Variants in CSMD1 observed in about 807,000 individuals in gnomAD.
CSMD1 encodes CUB and sushi domain-containing protein 1.
A neutral mutation model predicts 417.5 loss-of-function variants in CSMD1; 213 were observed. That is an observed-to-expected ratio of 0.51 (90% confidence interval 0.46 to 0.57). The LOEUF (loss-of-function observed/expected upper bound fraction) is 0.57. CSMD1 is among the 20% of genes least tolerant of loss of function. The pLI, the probability that CSMD1 is intolerant of heterozygous loss-of-function variation, is 0.00. For missense variants in CSMD1, 6,923 were observed against 4,529.7 expected (o/e 1.53, Z -15.17); for synonymous variants, 2,862 against 1,736.8 (o/e 1.65, Z -16.11).
intron 3 of CSMD1, among the ~76,000 whole-genome samples, chr8:4,191,201 C>T (rs1799007342): frequency 6.6e-6 from 1 of 152,116 alleles, no homozygotes; most frequent in African/African-American, 2.4e-5. Flanking sequence ...TTGAGACCAT[C>T]CCGGCTAACA....
chr8:4,958,332 A>T (rs1193568433), intron 1 of CSMD1, among the ~76,000 whole-genome samples: 1 of 152,196 alleles, frequency 6.6e-6, no homozygotes, highest in East Asian at 1.9e-4. Flanking sequence ...CAATTGTCAA[A>T]ATCAAGTTAA....
chr8:4,190,551 T>TC (rs922642907), intron 3 of CSMD1, among the ~76,000 whole-genome samples: 2 of 151,860 alleles, frequency 1.3e-5, no homozygotes, highest in Non-Finnish European at 2.9e-5. Flanking sequence ...AGCTTTTTTT[T>TC]TTTTAACTGA....
At chr8:3,327,487 C>A (rs1305030852) in intron 23 of CSMD1, among the ~76,000 whole-genome samples, 1 of 152,176 alleles carries the variant, frequency 6.6e-6, no homozygotes. Context: ...AGTTAATTTT[C>A]CTCTTAACAT....
intron 7 of CSMD1, among the ~76,000 whole-genome samples, chr8:3,655,860 G>C (rs1039047193): frequency 6.6e-6 from 1 of 152,110 alleles, no homozygotes; most frequent in African/African-American, 2.4e-5. Context: ...AAACCTGTCA[G>C]ACTTCATCTT....
intron 21 of CSMD1, among the ~76,000 whole-genome samples, chr8:3,356,839 T>C (rs1808827782): frequency 6.6e-6 from 1 of 152,152 alleles, no homozygotes; most frequent in Admixed American, 6.5e-5. Context: ...AGCCAGGGAA[T>C]GAGGGACTCT....
chr8:3,308,564 G>C (rs1364223753), intron 23 of CSMD1, 61 bp from the exon 24 acceptor site: 6 of 1,351,470 alleles, frequency 4.4e-6, no homozygotes, highest in Admixed American at 2.0e-5. Context: ...CCTTAAAACA[G>C]AGATGAAACA....
chr8:4,160,279 A>C (rs746846930), intron 3 of CSMD1, among the ~76,000 whole-genome samples: 1 of 152,140 alleles, frequency 6.6e-6, no homozygotes, highest in African/African-American at 2.4e-5. Flanking sequence ...TGATTCTTGG[A>C]AAGTACTGAA....
At chr8:3,867,735 C>T (rs35200035) in intron 5 of CSMD1, among the ~76,000 whole-genome samples, 12,070 of 152,154 alleles carry the variant, frequency 0.079, 537 homozygotes, top group South Asian at 0.15. Context: ...GCTGCTTATG[C>T]AAACACTGGC....
In CSMD1 at chr8:3,997,947, T is replaced by C. The variant is rs778738994; in HGVS notation, c.774A>G (p.Gly258=). The C allele has an allele frequency of 2.5e-6, 4 of 1,612,390 alleles. No homozygotes were observed. Among genetic ancestry groups the C allele is most frequent in the South Asian group, 1.1e-5 (1 of 90,504 alleles). The part of the protein sequence containing the change: ...LVFTDFQLEE[G]YDFLEISGTE... Reference sequence around the variant, plus strand: ...TGCCACTGATCTCTAAGAAATCATATCCTTCTTCTAGCTGAAAGTCAGTGA... The same window carrying C: ...TGCCACTGATCTCTAAGAAATCATACCCTTCTTCTAGCTGAAAGTCAGTGA... The change falls in exon 5 of 70, where the codon GGA becomes GGG. Residue 258 remains glycine (G), a synonymous_variant. Coordinates refer to ENST00000635120, the MANE Select transcript of CSMD1 (RefSeq NM_033225.6).
At chr8:3,391,053 G>A (rs778296857) in intron 17 of CSMD1, among the ~76,000 whole-genome samples, 1 of 152,150 alleles carries the variant, frequency 6.6e-6, no homozygotes, top group Non-Finnish European at 1.5e-5. Context: ...CCATGCGTGT[G>A]CCTGTGAGTG....
intron 5 of CSMD1, among the ~76,000 whole-genome samples, chr8:3,912,896 A>C (rs1197530939): frequency 6.6e-6 from 1 of 152,166 alleles, no homozygotes; most frequent in Non-Finnish European, 1.5e-5. Flanking sequence ...AATGAAGATC[A>C]ATTAATCAGC....
intron 49 of CSMD1, among the ~76,000 whole-genome samples, chr8:3,055,168 G>C (rs967478506): frequency 7.9e-5 from 12 of 152,172 alleles, no homozygotes; most frequent in African/African-American, 2.7e-4. Context: ...TACAAACACA[G>C]ATGAAGCCCC....
At chr8:4,445,024 C>G (rs1447197267) in intron 2 of CSMD1, among the ~76,000 whole-genome samples, 2 of 152,168 alleles carry the variant, frequency 1.3e-5, no homozygotes, top group African/African-American at 4.8e-5. Context: ...AAATGAAAAC[C>G]TATACCCATA....
intron 23 of CSMD1, among the ~76,000 whole-genome samples, chr8:3,335,348 G>T (rs1021316248): frequency 6.6e-6 from 1 of 152,152 alleles, no homozygotes; most frequent in African/African-American, 2.4e-5. Flanking sequence ...AGTGGTGTGT[G>T]TCCCAACGAC....
chr8:4,519,071 A>G (rs1313874274), intron 2 of CSMD1, among the ~76,000 whole-genome samples: 2 of 152,174 alleles, frequency 1.3e-5, no homozygotes, highest in African/African-American at 4.8e-5. Context: ...ACAAGAGTCC[A>G]TTCCCACCAA....
chr8:3,410,591 G>C (rs141248266), intron 12 of CSMD1, among the ~76,000 whole-genome samples: 4 of 152,086 alleles, frequency 2.6e-5, no homozygotes, highest in African/African-American at 4.8e-5. Flanking sequence ...CCTTGCCTTC[G>C]CCATGATTGT....
intron 26 of CSMD1, among the ~76,000 whole-genome samples, chr8:3,235,468 C>G (rs991421114): frequency 6.6e-6 from 1 of 152,162 alleles, no homozygotes; most frequent in Non-Finnish European, 1.5e-5. Context: ...TTAATAGGAT[C>G]TGGTCAAATG....
At chr8:4,016,410 G>T (rs1796525385) in intron 4 of CSMD1, among the ~76,000 whole-genome samples, 1 of 152,286 alleles carries the variant, frequency 6.6e-6, no homozygotes, top group East Asian at 1.9e-4. Context: ...CAGAGAAGAT[G>T]CATGACCCTG....
chr8:4,954,261 G>T (rs1205227362), intron 1 of CSMD1, among the ~76,000 whole-genome samples: 2 of 152,248 alleles, frequency 1.3e-5, no homozygotes, highest in African/African-American at 4.8e-5. Context: ...TACCAATTAC[G>T]ATATGGTGTG....
Sources: gnomAD v4.1 joint callset for allele counts (sites outside exome capture counted in the v4.1 genomes callset) on GRCh38, gnomAD v4.1.1 for gene constraint, MANE v1.5 for transcripts, NCBI Gene and HGNC (gene_info 2026-07-23, HGNC 2026-07-21) for gene names.